The following EPN2 variants were observed in gnomAD, a reference collection of about 807,000 sequenced individuals.
EPN2 encodes epsin-2.
In EPN2, 34 loss-of-function variants were observed where a neutral mutation model predicts 61.7. The observed-to-expected ratio is 0.55, with a 90% CI of 0.42 to 0.73. EPN2 has a LOEUF of 0.73. Among genes scored for constraint, EPN2 ranks in the 30% least tolerant of loss-of-function variants. The pLI, the probability that EPN2 is intolerant of heterozygous loss-of-function variation, is 0.00. For missense variants in EPN2, 714 were observed against 839.2 expected, an observed-to-expected ratio of 0.85 and a Z score of 1.84; for synonymous variants, 349 against 353.6, an observed-to-expected ratio of 0.99 and a Z score of 0.15.
At chr17:19,272,858 T>A (rs1193930223) in intron 1 of EPN2, among the ~76,000 whole-genome samples, 1 of 152,134 alleles carries the variant, frequency 6.6e-6, no homozygotes, top group East Asian at 1.9e-4. Context: ...TACCCCTGTT[T>A]TCCTGGATTG....
rs2152218546 is a variant in EPN2 at position 19,285,893 on chromosome 17, G to A, written c.766+103G>A. ...GCCAACTCTCTCCCTGTCTCCTCTGGGCCTGGGGGTTTGGCCTCCAGCAGG... is the reference window on the plus strand; with the variant it reads ...GCCAACTCTCTCCCTGTCTCCTCTGAGCCTGGGGGTTTGGCCTCCAGCAGG... On this transcript the variant is annotated intron_variant, in intron 4 of 10. Coordinates refer to ENST00000314728, the MANE Select transcript of EPN2 (RefSeq NM_014964.5). The surrounding 1 kb of genome is among the most constrained non-coding windows in gnomAD (Gnocchi z 4.5). 7.1e-7 allele frequency: 1 copy of A among 1,401,570 alleles called. No homozygotes were observed. The highest frequency in any genetic ancestry group is 9.3e-7 in the Non-Finnish European group (1 of 1,070,996). The allele number at this position is 1,401,570 out of a possible 1,614,324, so 86.8% of individuals were successfully genotyped here.
At chr17:19,280,631 C>A (rs1324152596) in intron 1 of EPN2, among the ~76,000 whole-genome samples, 3 of 152,182 alleles carry the variant, frequency 2.0e-5, no homozygotes, top group Non-Finnish European at 4.4e-5. Flanking sequence ...TATGAGCTGT[C>A]CCCTTTTTGT....
intron 7 of EPN2, among the ~76,000 whole-genome samples, chr17:19,327,508 C>T (rs907589949): frequency 3.3e-5 from 5 of 151,932 alleles, no homozygotes; most frequent in East Asian, 1.9e-4. Flanking sequence ...CCCATCTCGA[C>T]GAAAATTAGA....
chr17:19,284,518 C>G (rs1224565337), intron 3 of EPN2, among the ~76,000 whole-genome samples: 1 of 152,192 alleles, frequency 6.6e-6, no homozygotes, highest in African/African-American at 2.4e-5. Context: ...ACAGGTGGCC[C>G]TAGTGGCCTT....
chr17:19,325,965 A>G (rs1281023606), intron 7 of EPN2, among the ~76,000 whole-genome samples: 1 of 152,242 alleles, frequency 6.6e-6, no homozygotes, highest in Non-Finnish European at 1.5e-5. Flanking sequence ...CTGCATAACA[A>G]TAAATAGATT....
chr17:19,282,905 A>G (rs1354202041), intron 2 of EPN2, 45 bp from the exon 3 acceptor site: 2 of 520,256 alleles, frequency 3.8e-6, no homozygotes, highest in East Asian at 6.5e-5. Flanking sequence ...TCCCACCCTC[A>G]CAGGGGGCTT....
chr17:19,329,487 G>T (rs1457181307), intron 8 of EPN2, 74 bp from the exon 9 acceptor site: 6 of 864,712 alleles, frequency 6.9e-6, no homozygotes, highest in Non-Finnish European at 3.8e-6. Context: ...CATCCTGAGG[G>T]TGTGCACTGG....
chr17:19,266,618 G>A lies in EPN2; in HGVS notation c.-293-15337G>A, dbSNP rs184848011. ...GGGGTTTCACTGTGTTAGCCAGGAT[G>A]GTTTCGATCTCCTCACCTCGTGATC... On this transcript the variant is annotated intron_variant, in intron 1 of 10. Transcript: ENST00000314728. Among the ~76,000 whole-genome samples the A allele has an allele frequency of 3.2e-3, 481 of 151,850 alleles. 2 individuals carry two copies. Among genetic ancestry groups the A allele is most frequent in the Admixed American group, 4.9e-3 (75 of 15,280 alleles).
intron 4 of EPN2, among the ~76,000 whole-genome samples, chr17:19,296,231 A>G (rs1352400257): frequency 6.6e-6 from 1 of 151,174 alleles, no homozygotes; most frequent in Non-Finnish European, 1.5e-5. Flanking sequence ...GCTCACTACA[A>G]CCTCTGCCTC....
chr17:19,299,061 AC>A, intron 4 of EPN2, among the ~76,000 whole-genome samples: 1 of 152,314 alleles, frequency 6.6e-6, no homozygotes, highest in Non-Finnish European at 1.5e-5. Flanking sequence ...TGTTTTCCAA[AC>A]AGACTGTTTC....
chr17:19,257,611 G>A (rs1255213441), intron 1 of EPN2, among the ~76,000 whole-genome samples: 7 of 151,198 alleles, frequency 4.6e-5, no homozygotes, highest in Admixed American at 4.6e-4. Flanking sequence ...GCCGCCTCCC[G>A]GGTTCAAGTG....
intron 1 of EPN2, among the ~76,000 whole-genome samples, chr17:19,242,316 C>G (rs1381502441): frequency 6.6e-6 from 1 of 152,156 alleles, no homozygotes; most frequent in African/African-American, 2.4e-5. Context: ...TGGCATACAC[C>G]TGTAGTCCCA....
chr17:19,255,449 T>TTTAC (rs1275596641), intron 1 of EPN2, among the ~76,000 whole-genome samples: 3 of 130,404 alleles, frequency 2.3e-5, no homozygotes, highest in Non-Finnish European at 1.5e-5. Context: ...TATTTATTTA[T>TTTAC]TTATTTATTT....
At chr17:19,267,099 A>G (rs1374286047) in intron 1 of EPN2, among the ~76,000 whole-genome samples, 2 of 151,644 alleles carry the variant, frequency 1.3e-5, no homozygotes, top group Admixed American at 6.6e-5. Context: ...TCGGCCTCCC[A>G]AAGTGCTGGG....
chr17:19,305,665 C>T (rs575860669), intron 4 of EPN2, among the ~76,000 whole-genome samples: 1 of 152,212 alleles, frequency 6.6e-6, no homozygotes, highest in South Asian at 2.1e-4. Flanking sequence ...AATCTTTCAC[C>T]CTTTGTTTTA....
chr17:19,259,405 C>T (rs565393807), intron 1 of EPN2, among the ~76,000 whole-genome samples: 4 of 151,498 alleles, frequency 2.6e-5, no homozygotes, highest in African/African-American at 9.7e-5. Flanking sequence ...CTCCACCTCC[C>T]GGGTTCACAC....
intron 1 of EPN2, among the ~76,000 whole-genome samples, chr17:19,249,183 A>T (rs1316228271): frequency 6.6e-6 from 1 of 152,188 alleles, no homozygotes; most frequent in Non-Finnish European, 1.5e-5. Flanking sequence ...TAATCAGAGC[A>T]TCTCTGTGCT....
intron 4 of EPN2, among the ~76,000 whole-genome samples, chr17:19,293,847 G>C (rs558542166): frequency 3.8e-4 from 58 of 152,122 alleles, no homozygotes; most frequent in Non-Finnish European, 1.0e-4. Flanking sequence ...CAGCACTTTG[G>C]GAGGCCGAGG....
intron 4 of EPN2, among the ~76,000 whole-genome samples, chr17:19,286,426 A>G (rs2045405603): frequency 2.0e-5 from 3 of 152,164 alleles, no homozygotes; most frequent in Non-Finnish European, 1.5e-5. Flanking sequence ...TTCTCTTTCT[A>G]CTAATTAATA....
Sources: allele counts gnomAD v4.1 joint callset (sites outside exome capture counted in the v4.1 genomes callset), GRCh38; gene constraint gnomAD v4.1.1; non-coding constraint Gnocchi (gnomAD v3.1); transcripts MANE v1.5; gene names NCBI Gene and HGNC (gene_info 2026-07-23, HGNC 2026-07-21).